Variants in ZRANB3 observed in about 807,000 individuals in gnomAD.
The protein encoded by ZRANB3 is zinc finger RANBP2-type containing 3.
ZRANB3 carries 125 observed loss-of-function variants against 133.8 expected under a neutral mutation model. The ratio of observed to expected loss-of-function variants is 0.93; its 90% CI spans 0.81 to 1.08. ZRANB3 has a LOEUF of 1.08. Ranked by LOEUF, ZRANB3 falls within the 50% of genes least tolerant of loss-of-function variation. The pLI is 0.00. For synonymous variants in ZRANB3, 387 were observed against 432.7 expected, an observed-to-expected ratio of 0.89 and a Z score of 1.31; for missense variants, 1,229 against 1,275.5, an observed-to-expected ratio of 0.96 and a Z score of 0.56.
intron 3 of ZRANB3, among the ~76,000 whole-genome samples, chr2:135,388,945 G>T (rs1402425640): frequency 6.6e-6 from 1 of 152,152 alleles, no homozygotes; most frequent in African/African-American, 2.4e-5. Flanking sequence ...GGGTGTGGTG[G>T]CAGGTGCCTG....
intron 3 of ZRANB3, among the ~76,000 whole-genome samples, chr2:135,367,941 T>C (rs1686009931): frequency 6.6e-6 from 1 of 152,278 alleles, no homozygotes; most frequent in South Asian, 2.1e-4. Context: ...CAGGTTATTA[T>C]TGAATAACTT....
intron 2 of ZRANB3, among the ~76,000 whole-genome samples, chr2:135,484,510 A>G (rs1692002679): frequency 6.6e-6 from 1 of 152,068 alleles, no homozygotes; most frequent in African/African-American, 2.4e-5. Flanking sequence ...TGACATAAAT[A>G]TGAATTAATA....
At chr2:135,416,646 G>A (rs1183007415) in intron 2 of ZRANB3, among the ~76,000 whole-genome samples, 6 of 149,978 alleles carry the variant, frequency 4.0e-5, no homozygotes, top group African/African-American at 9.7e-5. Flanking sequence ...AGCCCGCATC[G>A]CCAAGTCAAT....
intron 1 of ZRANB3, among the ~76,000 whole-genome samples, chr2:135,529,444 T>C (rs1275095226): frequency 6.6e-6 from 1 of 152,200 alleles, no homozygotes; most frequent in Non-Finnish European, 1.5e-5. Context: ...GGCATCTTTT[T>C]AGTGATGCCT....
At chr2:135,267,247 G>A (rs1270378835) in intron 11 of ZRANB3, among the ~76,000 whole-genome samples, 1 of 152,134 alleles carries the variant, frequency 6.6e-6, no homozygotes, top group Non-Finnish European at 1.5e-5. Context: ...CATCTGGTGA[G>A]GGCTTCTTGC....
intron 1 of ZRANB3, among the ~76,000 whole-genome samples, chr2:135,506,992 T>C (rs374550496): frequency 1.3e-5 from 2 of 152,040 alleles, no homozygotes; most frequent in Admixed American, 6.5e-5. Context: ...TAGCAAGGAA[T>C]AGAGAATGGA....
At chr2:135,515,642 T>G (rs998111261) in intron 1 of ZRANB3, among the ~76,000 whole-genome samples, 1 of 152,232 alleles carries the variant, frequency 6.6e-6, no homozygotes. Context: ...CACTGTGGTC[T>G]GAGAGACTGT....
chr2:135,226,668 T>C (rs1573708594), intron 14 of ZRANB3, among the ~76,000 whole-genome samples: 1 of 152,134 alleles, frequency 6.6e-6, no homozygotes, highest in South Asian at 2.1e-4. Context: ...AGCCAATACT[T>C]CCCTGCCATA....
At chr2:135,405,361 A>G (rs1687960317) in intron 2 of ZRANB3, among the ~76,000 whole-genome samples, 1 of 152,216 alleles carries the variant, frequency 6.6e-6, no homozygotes, top group African/African-American at 2.4e-5. Context: ...ACTCACACAC[A>G]ATAAAAATGG....
chr2:135,519,405 GGAGGC>G (rs1693830694), intron 1 of ZRANB3, among the ~76,000 whole-genome samples: 1 of 152,074 alleles, frequency 6.6e-6, no homozygotes, highest in Non-Finnish European at 1.5e-5. Context: ...CAGAACTTTG[GGAGGC>G]AGCAGCAGAA....
intron 2 of ZRANB3, among the ~76,000 whole-genome samples, chr2:135,465,513 T>C (rs1302261077): frequency 6.6e-6 from 1 of 152,258 alleles, no homozygotes; most frequent in Non-Finnish European, 1.5e-5. Flanking sequence ...AAGTTATTAA[T>C]CATTTATTTT....
At chr2:135,498,700 G>C (rs996115354) in intron 2 of ZRANB3, among the ~76,000 whole-genome samples, 1 of 152,168 alleles carries the variant, frequency 6.6e-6, no homozygotes, top group Non-Finnish European at 1.5e-5. Context: ...TTCTCAGCAA[G>C]GAACATCCCT....
intron 3 of ZRANB3, among the ~76,000 whole-genome samples, chr2:135,353,898 G>C (rs1287669441): frequency 6.6e-6 from 1 of 152,046 alleles, no homozygotes; most frequent in African/African-American, 2.4e-5. Flanking sequence ...CCAGCTACTT[G>C]GAGGCTGAAG....
In ZRANB3 at chr2:135,199,586, C is replaced by T. The variant is rs1693535401; in HGVS notation, c.*756G>A. ...AAGTGCTGGGATTACATGCGTGAGC[C>T]ACCGCGCCCAGCCAACAGTAAGCCT... On this transcript the variant is annotated 3_prime_UTR_variant, in exon 21 of 21. Coordinates refer to ENST00000264159, the MANE Select transcript of ZRANB3 (RefSeq NM_032143.4). 6.6e-6 allele frequency: 1 copy of T among 152,196 alleles called. No homozygotes were observed. The highest frequency in any genetic ancestry group is 1.5e-5 in the Non-Finnish European group (1 of 68,082). The allele number at this position is 152,196 out of a possible 1,614,324, so 9.4% of individuals were successfully genotyped here.
chr2:135,492,368 G>A (rs2104807624), intron 2 of ZRANB3, among the ~76,000 whole-genome samples: 1 of 152,204 alleles, frequency 6.6e-6, no homozygotes, highest in Admixed American at 6.5e-5. Flanking sequence ...GGAAAGCATG[G>A]ACAGAATGAA....
chr2:135,329,136 T>A (rs748222038), intron 6 of ZRANB3, among the ~76,000 whole-genome samples: 1 of 152,234 alleles, frequency 6.6e-6, no homozygotes, highest in Non-Finnish European at 1.5e-5. Flanking sequence ...CCCTTGCCCA[T>A]GCCTATATCC....
intron 1 of ZRANB3, chr2:135,530,703 C>T (rs3806502): frequency 0.31 from 46,858 of 152,194 alleles, 11,174 homozygotes; most frequent in African/African-American, 0.65. Flanking sequence ...TCTTCCATCA[C>T]TTCTCTCCCG....
intron 2 of ZRANB3, among the ~76,000 whole-genome samples, chr2:135,443,971 T>C (rs538636939): frequency 6.6e-6 from 1 of 152,230 alleles, no homozygotes; most frequent in East Asian, 1.9e-4. Flanking sequence ...AGGTAAAATA[T>C]GTGAATAGAC....
At chr2:135,308,411 T>C (rs933424129) in intron 8 of ZRANB3, among the ~76,000 whole-genome samples, 9 of 152,134 alleles carry the variant, frequency 5.9e-5, no homozygotes, top group African/African-American at 2.2e-4. Context: ...AAAGGGGTAT[T>C]GAAAATAGGC....
Sources: allele counts gnomAD v4.1 joint callset (sites outside exome capture counted in the v4.1 genomes callset), GRCh38; gene constraint gnomAD v4.1.1; transcripts MANE v1.5; gene names NCBI Gene and HGNC (gene_info 2026-07-23, HGNC 2026-07-21).